ZMYM4: variants seen among roughly 807,000 people sequenced by gnomAD.
ZMYM4 encodes the protein zinc finger MYM-type containing 4.
ZMYM4 carries 31 observed loss-of-function variants against 183.2 expected under a neutral mutation model. That is an observed-to-expected ratio of 0.17 (90% CI 0.13 to 0.23). The LOEUF (loss-of-function observed/expected upper bound fraction) is 0.23, where lower values mean the gene tolerates loss of function less well. Among genes scored for constraint, ZMYM4 ranks in the 10% least tolerant of loss-of-function variants. The pLI is 1.00. For missense variants in ZMYM4, 1,273 were observed against 1,840.3 expected (o/e 0.69, Z 5.64); for synonymous variants, 592 against 631.2 (o/e 0.94, Z 0.93).
At chr1:35,402,680 A>AT (rs2149018330) in intron 23 of ZMYM4, among the ~76,000 whole-genome samples, 1 of 152,238 alleles carries the variant, frequency 6.6e-6, no homozygotes, top group South Asian at 2.1e-4. Context: ...AATATAGATA[A>AT]TTTTTTCTTC....
Position 35,385,439 on chromosome 1 carries a change from T to C in ZMYM4, c.1570-3T>C. 2 of 1,603,288 alleles carry C rather than the reference T, an allele frequency of 1.2e-6. No individual in the cohort carries two copies. Among genetic ancestry groups the C allele is most frequent in the Non-Finnish European group, 1.7e-6 (2 of 1,177,478 alleles). ...AATGAATGTTGTTTTATTCTCTTAA[T>C]AGAAATCAGCCAAAATTACACCGTG... On this transcript the variant is annotated splice_region_variant and splice_polypyrimidine_tract_variant and intron_variant, in intron 9 of 29. Coordinates refer to ENST00000314607, the MANE Select transcript of ZMYM4 (RefSeq NM_005095.3).
chr1:35,283,242 T>G (rs1312219649), intron 1 of ZMYM4, among the ~76,000 whole-genome samples: 3 of 149,312 alleles, frequency 2.0e-5, no homozygotes, highest in Non-Finnish European at 4.5e-5. Flanking sequence ...CTTGAACTCC[T>G]GACCTCAAGC....
At chr1:35,411,320 A>AT (rs1387601813) in intron 26 of ZMYM4, among the ~76,000 whole-genome samples, 4 of 149,970 alleles carry the variant, frequency 2.7e-5, no homozygotes, top group East Asian at 3.9e-4. Flanking sequence ...TGCCCGGCTA[A>AT]TTTTTTTTGT....
At chr1:35,374,089 T>TGG (rs950537385) in intron 7 of ZMYM4, among the ~76,000 whole-genome samples, 2 of 135,374 alleles carry the variant, frequency 1.5e-5, no homozygotes, top group African/African-American at 5.7e-5. Flanking sequence ...TGGAGTGCAA[T>TGG]GGCACGATCT....
intron 1 of ZMYM4, among the ~76,000 whole-genome samples, chr1:35,284,014 GGCTGGACT>G (rs1411206501): frequency 2.6e-5 from 4 of 151,236 alleles, no homozygotes; most frequent in African/African-American, 9.7e-5. Context: ...CTGTCGCCCA[GGCTGGACT>G]GCGGACTGCA....
chr1:35,279,425 T>A (rs1306672750), intron 1 of ZMYM4, among the ~76,000 whole-genome samples: 1 of 152,152 alleles, frequency 6.6e-6, no homozygotes, highest in Non-Finnish European at 1.5e-5. Flanking sequence ...TCGTTTCTGT[T>A]GAGATGATTG....
chr1:35,352,605 G>A (rs568351374), intron 2 of ZMYM4, among the ~76,000 whole-genome samples: 1 of 152,260 alleles, frequency 6.6e-6, no homozygotes, highest in South Asian at 2.1e-4. Context: ...CTGTTCTCAA[G>A]TTAGAAGTTA....
chr1:35,317,861 A>G (rs1642116917), intron 1 of ZMYM4, among the ~76,000 whole-genome samples: 1 of 152,086 alleles, frequency 6.6e-6, no homozygotes, highest in Non-Finnish European at 1.5e-5. Flanking sequence ...TAGATATGTC[A>G]CCTGAAGAAT....
chr1:35,375,048 A>G (rs1338680226), intron 7 of ZMYM4, among the ~76,000 whole-genome samples: 2 of 151,828 alleles, frequency 1.3e-5, no homozygotes, highest in Non-Finnish European at 2.9e-5. Context: ...CTACCTTTTT[A>G]TTCACTTAGT....
intron 2 of ZMYM4, among the ~76,000 whole-genome samples, chr1:35,347,901 T>G (rs1057338655): frequency 1.7e-4 from 26 of 152,220 alleles, no homozygotes; most frequent in South Asian, 4.1e-4. Flanking sequence ...TGTAATAAGA[T>G]ATGAAAATTT....
intron 5 of ZMYM4, among the ~76,000 whole-genome samples, chr1:35,366,768 T>C (rs2148925233): frequency 6.6e-6 from 1 of 152,244 alleles, no homozygotes; most frequent in Middle Eastern, 3.4e-3. Flanking sequence ...TCCTAACACT[T>C]TGGGAGGCCA....
At chr1:35,406,076 A>C (rs1644998372) in intron 25 of ZMYM4, among the ~76,000 whole-genome samples, 1 of 152,154 alleles carries the variant, frequency 6.6e-6, no homozygotes, top group Non-Finnish European at 1.5e-5. Flanking sequence ...AGAATGGAGG[A>C]GTATATCCAT....
At chr1:35,308,086 G>T (rs1041128322) in intron 1 of ZMYM4, among the ~76,000 whole-genome samples, 1 of 152,152 alleles carries the variant, frequency 6.6e-6, no homozygotes, top group Admixed American at 6.5e-5. Flanking sequence ...CCACCTCCTG[G>T]GTTCAAGCAA....
Position 35,348,395 on chromosome 1 carries a change from A to G in ZMYM4, c.86-10530A>G, listed in dbSNP as rs181891888. Reference sequence around the variant, plus strand: ...CTGTGTGTACACAAACATTTCTTGTAGCATTACTTATTGTCATTCTATATG... The same window carrying G: ...CTGTGTGTACACAAACATTTCTTGTGGCATTACTTATTGTCATTCTATATG... On this transcript the variant is annotated intron_variant, in intron 2 of 29. Transcript: ENST00000314607. Among the ~76,000 whole-genome samples, 29 of 152,372 alleles carry G rather than the reference A, an allele frequency of 1.9e-4. 1 individual carries two copies. The highest frequency in any genetic ancestry group is 1.7e-3 in the Admixed American group (26 of 15,310).
rs752453418 is a variant in ZMYM4 at position 35,415,622 on chromosome 1, A to G, written c.4217A>G (p.His1406Arg). 7 of 1,614,176 alleles carry G rather than the reference A, an allele frequency of 4.3e-6. No individual in the cohort carries two copies. The Admixed American group carries it at 5.0e-5, about 12-fold the overall frequency. The part of the protein sequence containing the change: ...VTEHLKLSFA[H>R]VMRRTRTLKY... ...GAGCACTTGAAGCTTTCCTTTGCCC[A>G]TGTGATGAGACGGACCAGGACTCTG... The change falls in exon 28 of 30, where the codon CAT (histidine) becomes CGT (arginine). Residue 1406 changes from histidine (H) to arginine (R), a missense_variant. By Grantham distance (29) the His-to-Arg change is conservative. Transcript: ENST00000314607.
intron 1 of ZMYM4, among the ~76,000 whole-genome samples, chr1:35,276,315 C>A (rs1639874783): frequency 7.5e-6 from 1 of 134,174 alleles, no homozygotes; most frequent in African/African-American, 2.9e-5. Flanking sequence ...CTTCCTCCTT[C>A]CTTCCTTTTT....
chr1:35,307,898 C>T (rs1451043876), intron 1 of ZMYM4, among the ~76,000 whole-genome samples: 4 of 151,552 alleles, frequency 2.6e-5, no homozygotes, highest in African/African-American at 4.8e-5. Context: ...GGTGCAATCT[C>T]GGCTCACTGC....
intron 1 of ZMYM4, among the ~76,000 whole-genome samples, chr1:35,313,296 A>G (rs1414016225): frequency 6.6e-6 from 1 of 152,158 alleles, no homozygotes; most frequent in Non-Finnish European, 1.5e-5. Flanking sequence ...TGGCCTCCCA[A>G]AGTGTTGGGA....
chr1:35,401,615 A>C (rs541617485), intron 23 of ZMYM4, among the ~76,000 whole-genome samples: 80 of 152,174 alleles, frequency 5.3e-4, no homozygotes, highest in Admixed American at 2.6e-3. Context: ...TTTGATTTTG[A>C]GGAAGTCCCT....
Sources: allele counts gnomAD v4.1 joint callset (sites outside exome capture counted in the v4.1 genomes callset), GRCh38; gene constraint gnomAD v4.1.1; transcripts MANE v1.5; gene names NCBI Gene and HGNC (gene_info 2026-07-23, HGNC 2026-07-21).